Variants in GRIK3 observed in about 807,000 individuals in gnomAD.
GRIK3 encodes glutamate receptor ionotropic, kainate 3.
Under a neutral mutation model 102.5 loss-of-function variants are expected in GRIK3, and 29 were observed. That is an observed-to-expected ratio of 0.28 (90% CI 0.21 to 0.39). The LOEUF (loss-of-function observed/expected upper bound fraction) is 0.39, where lower values mean the gene tolerates loss of function less well. Among genes scored for constraint, GRIK3 ranks in the 10% least tolerant of loss-of-function variants. The pLI is 1.00. For missense variants in GRIK3, 908 were observed against 1,252.4 expected, an observed-to-expected ratio of 0.73 and a Z score of 4.15; for synonymous variants, 511 against 504.9, an observed-to-expected ratio of 1.01 and a Z score of -0.16.
chr1:36,951,450 C>T (rs1441046338), intron 1 of GRIK3, among the ~76,000 whole-genome samples: 1 of 152,224 alleles, frequency 6.6e-6, no homozygotes, highest in African/African-American at 2.4e-5. Flanking sequence ...CCACTGCACA[C>T]TTGGGGGGTG....
At position 36,850,939 on chromosome 1, in the gene GRIK3, C is replaced by T. The variant is rs1037604176; in HGVS notation, c.1213-515G>A. ...CATTTAAAACTGGCAGACACACAGA[C>T]TAAGGTAGAATAATCTCTCTCTCTA... On this transcript the variant is annotated intron_variant, in intron 8 of 15. Coordinates refer to ENST00000373091, the MANE Select transcript of GRIK3 (RefSeq NM_000831.4). This position sits in a 1 kb window ranked among gnomAD's most constrained non-coding sequence, Gnocchi z 4.0. Among the ~76,000 whole-genome samples the T allele has an allele frequency of 1.3e-5, 2 of 152,224 alleles. No individual in the cohort carries two copies. The highest frequency in any genetic ancestry group is 2.9e-5 in the Non-Finnish European group (2 of 68,046).
rs548276460 is a variant in GRIK3 at position 36,819,881 on chromosome 1, G to C, written c.1755-27C>G. On this transcript the variant is annotated intron_variant, in intron 11 of 15. Coordinates refer to ENST00000373091, the MANE Select transcript of GRIK3 (RefSeq NM_000831.4). This position sits in a 1 kb window ranked among gnomAD's most constrained non-coding sequence, Gnocchi z 4.1. ...TGCCACAGGAGGAGAGGGACAGTCA[G>C]CCTGGGAAGCAAGGGGCATCCACGC... The C allele has an allele frequency of 4.8e-6, 6 of 1,261,614 alleles. No individual in the cohort carries two copies. In the African/African-American group the frequency reaches 5.9e-5, roughly 12 times the overall value. The allele number at this position is 1,261,614 out of a possible 1,614,324, so 78.2% of individuals were successfully genotyped here. A position where few individuals can be genotyped will look rare whatever the true frequency, so the allele number is the denominator to read the frequency against.
chr1:36,990,144 C>T (rs552279068), intron 1 of GRIK3, among the ~76,000 whole-genome samples: 10 of 152,190 alleles, frequency 6.6e-5, no homozygotes, highest in South Asian at 6.2e-4. Context: ...TCCAGAAACC[C>T]GGACCTGCCT....
Position 36,880,483 on chromosome 1 carries a change from G to A in GRIK3, c.550+151C>T. On this transcript the variant is annotated intron_variant, in intron 3 of 15. Coordinates refer to ENST00000373091, the MANE Select transcript of GRIK3 (RefSeq NM_000831.4). The surrounding 1 kb of genome is among the most constrained non-coding windows in gnomAD (Gnocchi z 5.4). ...TGCACAGGGTGTGAGTGGGTGCAGG[G>A]GTGAACATCAGCATAACCGAGTGGA... is the stretch of plus-strand genomic sequence containing the variant. The A allele has an allele frequency of 1.3e-6, 1 of 795,974 alleles. No homozygotes were observed. Among genetic ancestry groups the A allele is most frequent in the Admixed American group, 2.0e-5 (1 of 49,356 alleles). 49.3% of individuals were successfully genotyped at this position (795,974 alleles called of 1,614,324 possible). A position where few individuals can be genotyped will look rare whatever the true frequency, so the allele number is the denominator to read the frequency against.
At chr1:36,824,649 T>G (rs1431191614) in intron 11 of GRIK3, among the ~76,000 whole-genome samples, 1 of 152,014 alleles carries the variant, frequency 6.6e-6, no homozygotes, top group Non-Finnish European at 1.5e-5. Flanking sequence ...TCTTTGCACT[T>G]TGTTAGGATT....
intron 1 of GRIK3, among the ~76,000 whole-genome samples, chr1:36,937,466 A>G (rs1156722098): frequency 2.6e-5 from 4 of 152,202 alleles, no homozygotes; most frequent in Non-Finnish European, 5.9e-5. Context: ...ATTTCTCATT[A>G]CAGGATGACT....
chr1:36,936,166 A>C (rs1209214405), intron 1 of GRIK3, among the ~76,000 whole-genome samples: 1 of 152,178 alleles, frequency 6.6e-6, no homozygotes, highest in Non-Finnish European at 1.5e-5. Flanking sequence ...CCTTGATGGG[A>C]GGAAACTGAA....
chr1:36,880,486 G>C lies in GRIK3; in HGVS notation c.550+148C>G, dbSNP rs1370255335. ...ACAGGGTGTGAGTGGGTGCAGGGGT[G>C]AACATCAGCATAACCGAGTGGAACT... On this transcript the variant is annotated intron_variant, in intron 3 of 15. Transcript: ENST00000373091. The surrounding 1 kb of genome is among the most constrained non-coding windows in gnomAD (Gnocchi z 5.4). 2.6e-5 allele frequency: 21 copies of C among 810,902 alleles called. No individual in the cohort carries two copies. Among genetic ancestry groups the C allele is most frequent in the Non-Finnish European group, 4.1e-6 (2 of 487,046 alleles). The allele number at this position is 810,902 out of a possible 1,614,324, so 50.2% of individuals were successfully genotyped here. A position where few individuals can be genotyped will look rare whatever the true frequency, so the allele number is the denominator to read the frequency against.
At chr1:36,822,669 A>C (rs1466650626) in intron 11 of GRIK3, among the ~76,000 whole-genome samples, 1 of 152,108 alleles carries the variant, frequency 6.6e-6, no homozygotes, top group Non-Finnish European at 1.5e-5. Context: ...GTGGAGGAGG[A>C]GACAGGGCAT....
rs1640955432 is a variant in GRIK3 at position 36,880,221 on chromosome 1, C to T, written c.550+413G>A. On this transcript the variant is annotated intron_variant, in intron 3 of 15. Transcript: ENST00000373091. This position sits in a 1 kb window ranked among gnomAD's most constrained non-coding sequence, Gnocchi z 5.4. ...CAGTGTGTACACACTTAACACTAGG[C>T]CACGCCATAAGCTATGTGTGTGAGT... Among the ~76,000 whole-genome samples the T allele has an allele frequency of 6.6e-6, 1 of 152,128 alleles. No homozygotes were observed. Among genetic ancestry groups the T allele is most frequent in the Non-Finnish European group, 1.5e-5 (1 of 68,028 alleles).
intron 1 of GRIK3, among the ~76,000 whole-genome samples, chr1:36,898,846 C>A (rs528199358): frequency 6.6e-6 from 1 of 152,152 alleles, no homozygotes; most frequent in African/African-American, 2.4e-5. Flanking sequence ...GGCATAAAGA[C>A]AAACTATATA....
intron 1 of GRIK3, among the ~76,000 whole-genome samples, chr1:36,965,400 C>T (rs1484676262): frequency 1.3e-5 from 2 of 152,168 alleles, no homozygotes; most frequent in Non-Finnish European, 2.9e-5. Context: ...ACAGAGGCCA[C>T]ACTCGCCAGC....
intron 1 of GRIK3, among the ~76,000 whole-genome samples, chr1:36,995,586 A>C (rs998081698): frequency 6.6e-6 from 1 of 151,520 alleles, no homozygotes; most frequent in East Asian, 1.9e-4. Context: ...ATCAACCATC[A>C]CTCCTTTTCC....
chr1:36,912,827 A>G (rs1641360840), intron 1 of GRIK3, among the ~76,000 whole-genome samples: 1 of 152,208 alleles, frequency 6.6e-6, no homozygotes. Flanking sequence ...CATGTTTGTT[A>G]AATATATGTA....
At chr1:36,998,284 G>A (rs1157619467) in intron 1 of GRIK3, among the ~76,000 whole-genome samples, 4 of 152,156 alleles carry the variant, frequency 2.6e-5, no homozygotes, top group South Asian at 4.2e-4. Flanking sequence ...GGCTCTTCCC[G>A]TCAGGTTAAA....
At chr1:37,024,742 CAA>C (rs11314211) in intron 1 of GRIK3, among the ~76,000 whole-genome samples, 141 of 71,014 alleles carry the variant, frequency 2.0e-3, no homozygotes, top group African/African-American at 5.0e-3. Context: ...GACTCCATCT[CAA>C]AAAAAAAAAA....
intron 13 of GRIK3, among the ~76,000 whole-genome samples, chr1:36,808,018 T>TGCC (rs970005735): frequency 6.6e-6 from 1 of 152,202 alleles, no homozygotes; most frequent in Non-Finnish European, 1.5e-5. Flanking sequence ...CTGCAATCCC[T>TGCC]GCCTCCAAAC....
intron 1 of GRIK3, among the ~76,000 whole-genome samples, chr1:36,974,799 C>CA (rs60896978): frequency 0.018 from 1,768 of 100,392 alleles, 55 homozygotes; most frequent in African/African-American, 0.039. Context: ...GACTCTGTCT[C>CA]AAAAAAAAAA....
chr1:36,956,604 T>C (rs1168260154), intron 1 of GRIK3, among the ~76,000 whole-genome samples: 1 of 119,488 alleles, frequency 8.4e-6, no homozygotes, highest in African/African-American at 3.8e-5. Context: ...CTTGCAAGGC[T>C]TCCAAAGAAC....
Sources: gnomAD v4.1 joint callset for allele counts (sites outside exome capture counted in the v4.1 genomes callset) on GRCh38, gnomAD v4.1.1 for gene constraint, Gnocchi (gnomAD v3.1) non-coding constraint, MANE v1.5 for transcripts, NCBI Gene and HGNC (gene_info 2026-07-23, HGNC 2026-07-21) for gene names.